ADAMTS9: variants seen among roughly 807,000 people sequenced by gnomAD.
The protein encoded by ADAMTS9 is A disintegrin and metalloproteinase with thrombospondin motifs 9.
In ADAMTS9, 107 loss-of-function variants were observed where a neutral mutation model predicts 257.1. The observed-to-expected ratio is 0.42, with a 90% CI of 0.36 to 0.49. The LOEUF is 0.49. Ranked by LOEUF, ADAMTS9 falls within the 20% of genes least tolerant of loss-of-function variation. The pLI, the probability that ADAMTS9 is intolerant of heterozygous loss-of-function variation, is 0.03. For missense variants in ADAMTS9, 2,353 were observed against 2,469.1 expected, an observed-to-expected ratio of 0.95 and a Z score of 1.00; for synonymous variants, 982 against 880.9, an observed-to-expected ratio of 1.11 and a Z score of -2.03.
intron 21 of ADAMTS9, among the ~76,000 whole-genome samples, chr3:64,614,147 T>C (rs1035097163): frequency 2.0e-5 from 3 of 152,262 alleles, no homozygotes; most frequent in African/African-American, 4.8e-5. Flanking sequence ...CTTTGGATTA[T>C]AGTGAATTTA....
chr3:64,676,881 T>C (rs745894314), intron 3 of ADAMTS9, among the ~76,000 whole-genome samples: 2 of 152,128 alleles, frequency 1.3e-5, no homozygotes, highest in African/African-American at 4.8e-5. Flanking sequence ...AGGGAGAAGT[T>C]TGAGTTAGAG....
intron 37 of ADAMTS9, among the ~76,000 whole-genome samples, chr3:64,536,994 AC>A (rs777102336): frequency 3.3e-5 from 5 of 152,210 alleles, no homozygotes; most frequent in Non-Finnish European, 7.3e-5. Flanking sequence ...AGGCTGAACC[AC>A]CTACTCCGAA....
chr3:64,562,541 G>A (rs1007457428), intron 29 of ADAMTS9, among the ~76,000 whole-genome samples: 1 of 152,034 alleles, frequency 6.6e-6, no homozygotes, highest in African/African-American at 2.4e-5. Context: ...CTCACTTATG[G>A]CCAGGCCAAG....
intron 22 of ADAMTS9, among the ~76,000 whole-genome samples, chr3:64,608,166 T>C (rs923528656): frequency 3.8e-5 from 4 of 104,442 alleles, no homozygotes; most frequent in Admixed American, 1.1e-4. Flanking sequence ...ACACCTACAC[T>C]AATAAAGAAA....
intron 37 of ADAMTS9, among the ~76,000 whole-genome samples, chr3:64,536,062 C>T (rs1322796774): frequency 6.6e-6 from 1 of 152,126 alleles, no homozygotes; most frequent in African/African-American, 2.4e-5. Flanking sequence ...GGCGGCTGAC[C>T]CAGCTTCTTT....
chr3:64,651,252 G>GA, intron 8 of ADAMTS9, 89 bp from the exon 9 acceptor site: 1 of 1,219,696 alleles, frequency 8.2e-7, no homozygotes, highest in South Asian at 1.8e-5. Context: ...CTATCTAAGA[G>GA]AAAAAAATTT....
chr3:64,615,116 T>C, intron 21 of ADAMTS9: 1 of 528,306 alleles, frequency 1.9e-6, no homozygotes, highest in Non-Finnish European at 3.2e-6. Context: ...AAGCCCAAAG[T>C]GCCCTGAGGT....
At chr3:64,579,487 T>C (rs1191240446) in intron 28 of ADAMTS9, among the ~76,000 whole-genome samples, 2 of 152,232 alleles carry the variant, frequency 1.3e-5, no homozygotes, top group African/African-American at 2.4e-5. Context: ...TTTCATAATA[T>C]ATATTTGACT....
At chr3:64,677,559 G>C (rs1000152896) in intron 3 of ADAMTS9, among the ~76,000 whole-genome samples, 1 of 152,098 alleles carries the variant, frequency 6.6e-6, no homozygotes, top group African/African-American at 2.4e-5. Flanking sequence ...TATTACCTTT[G>C]AATTTTAGTA....
intron 16 of ADAMTS9, among the ~76,000 whole-genome samples, chr3:64,624,908 C>T (rs1323772194): frequency 2.0e-5 from 3 of 152,098 alleles, no homozygotes; most frequent in East Asian, 1.9e-4. Flanking sequence ...GGTACCACTG[C>T]TCCTTGAATA....
intron 3 of ADAMTS9, among the ~76,000 whole-genome samples, chr3:64,663,428 C>CT (rs10712747): frequency 0.084 from 10,662 of 127,472 alleles, 1,330 homozygotes; most frequent in African/African-American, 0.26. Context: ...GTATGGAATT[C>CT]TTTTTTTTTT....
intron 20 of ADAMTS9, 151 bp from the exon 21 acceptor site, chr3:64,615,636 C>G: frequency 1.1e-6 from 1 of 895,246 alleles, no homozygotes; most frequent in East Asian, 2.7e-5. Flanking sequence ...TTCATGTTAT[C>G]AGTTTGCTTA....
chr3:64,598,179 T>G (rs2106799045), intron 26 of ADAMTS9, among the ~76,000 whole-genome samples: 1 of 152,334 alleles, frequency 6.6e-6, no homozygotes, highest in South Asian at 2.1e-4. Context: ...TTGGGTTTAC[T>G]TTTTTAATGT....
chr3:64,567,674 T>C (rs889339905), intron 29 of ADAMTS9, among the ~76,000 whole-genome samples: 1 of 151,556 alleles, frequency 6.6e-6, no homozygotes, highest in East Asian at 1.9e-4. Context: ...GGAGTCTAAC[T>C]GTAATCAGTG....
chr3:64,576,109 T>A (rs749060227), intron 28 of ADAMTS9, among the ~76,000 whole-genome samples: 2 of 152,174 alleles, frequency 1.3e-5, no homozygotes, highest in Non-Finnish European at 2.9e-5. Flanking sequence ...AGTGCCCTTT[T>A]CTCTCTTAGA....
At chr3:64,571,710 T>C (rs554309196) in intron 28 of ADAMTS9, among the ~76,000 whole-genome samples, 3 of 152,342 alleles carry the variant, frequency 2.0e-5, no homozygotes, top group African/African-American at 7.2e-5. Context: ...TCTAATCTGA[T>C]AGCAAATACT....
In ADAMTS9 at chr3:64,531,687, G is replaced by A. The variant is rs1054630218; in HGVS notation, c.5718+1479C>T. ...TCACCACCTTGCCCAGGCTGGTCTC[G>A]AACTCTTAGGATCAGGCGATCCTCA... On this transcript the variant is annotated intron_variant, in intron 38 of 39. Transcript: ENST00000498707. Among the ~76,000 whole-genome samples, 11 of 152,096 alleles carry A rather than the reference G, an allele frequency of 7.2e-5. 1 individual carries two copies. The highest frequency in any genetic ancestry group is 5.9e-4 in the Admixed American group (9 of 15,266).
chr3:64,535,195 G>A (rs6783181), intron 37 of ADAMTS9, among the ~76,000 whole-genome samples: 140,464 of 152,114 alleles, frequency 0.92, 65,380 homozygotes, highest in East Asian at 1. Context: ...CTGGCCCAAC[G>A]TGGTGAAACC....
chr3:64,531,100 T>A (rs2082975355), intron 38 of ADAMTS9, among the ~76,000 whole-genome samples: 1 of 152,204 alleles, frequency 6.6e-6, no homozygotes, highest in Admixed American at 6.5e-5. Flanking sequence ...TATGACTATT[T>A]AGTTAATCGG....
Sources: gnomAD v4.1 joint callset for allele counts (sites outside exome capture counted in the v4.1 genomes callset) on GRCh38, gnomAD v4.1.1 for gene constraint, MANE v1.5 for transcripts, NCBI Gene and HGNC (gene_info 2026-07-23, HGNC 2026-07-21) for gene names.